Variants in NKAIN3 observed in about 807,000 individuals in gnomAD.
NKAIN3 encodes the protein sodium/potassium transporting ATPase interacting 3.
Under a neutral mutation model 30.2 loss-of-function variants are expected in NKAIN3, and 25 were observed. That is an observed-to-expected ratio of 0.83 (90% CI 0.60 to 1.16). The LOEUF (loss-of-function observed/expected upper bound fraction) is 1.16. NKAIN3 is among the 50% of genes most tolerant of loss of function. The pLI is 0.00. For synonymous variants in NKAIN3, 91 were observed against 89.6 expected, an observed-to-expected ratio of 1.02 and a Z score of -0.09; for missense variants, 225 against 254.1, an observed-to-expected ratio of 0.89 and a Z score of 0.78.
intron 4 of NKAIN3, among the ~76,000 whole-genome samples, chr8:62,873,796 G>A (rs1236587874): frequency 6.6e-6 from 1 of 151,992 alleles, no homozygotes; most frequent in African/African-American, 2.4e-5. Flanking sequence ...CGAGAACAAA[G>A]AGGCAATATA....
chr8:62,872,985 A>C (rs1306677173), intron 4 of NKAIN3, among the ~76,000 whole-genome samples: 1 of 152,220 alleles, frequency 6.6e-6, no homozygotes, highest in Non-Finnish European at 1.5e-5. Flanking sequence ...ATAGCATCAT[A>C]ATGACAGGAT....
At position 62,971,226 on chromosome 8, in the gene NKAIN3, T is replaced by TAC. The variant is rs2130914091; in HGVS notation, c.*5826_*5827dup. On this transcript the variant is annotated 3_prime_UTR_variant, in exon 7 of 7. Transcript: ENST00000623646. ...TTCCTTTAAGGATATGCCTCAGAAA[T>TAC]ACACACACTACTTCTGTTTACATCT... 6.6e-6 allele frequency among the ~76,000 whole-genome samples: 1 copy of TAC among 152,274 alleles called. No individual in the cohort carries two copies. The highest frequency in any genetic ancestry group is 1.9e-4 in the East Asian group (1 of 5,178).
At chr8:62,857,483 A>C (rs1033647742) in intron 4 of NKAIN3, among the ~76,000 whole-genome samples, 6 of 152,128 alleles carry the variant, frequency 3.9e-5, no homozygotes, top group African/African-American at 1.4e-4. Flanking sequence ...CACGTACCCC[A>C]ATCAGTCATA....
intron 1 of NKAIN3, among the ~76,000 whole-genome samples, chr8:62,420,598 G>A (rs1804605952): frequency 6.6e-6 from 1 of 152,078 alleles, no homozygotes; most frequent in Non-Finnish European, 1.5e-5. Context: ...TTAAAAATAA[G>A]TGTGGCTAGT....
chr8:62,927,280 T>C (rs2130867147), intron 5 of NKAIN3, among the ~76,000 whole-genome samples: 1 of 152,352 alleles, frequency 6.6e-6, no homozygotes, highest in Non-Finnish European at 1.5e-5. Flanking sequence ...TTGGATCTTA[T>C]CAAGATTGAT....
intron 1 of NKAIN3, among the ~76,000 whole-genome samples, chr8:62,563,866 C>T (rs552837588): frequency 8.1e-4 from 124 of 152,220 alleles, no homozygotes; most frequent in Non-Finnish European, 1.5e-3. Flanking sequence ...CACTGACAGA[C>T]GGGGAGGAGA....
At chr8:62,816,647 CT>C (rs1818692429) in intron 4 of NKAIN3, among the ~76,000 whole-genome samples, 1 of 152,070 alleles carries the variant, frequency 6.6e-6, no homozygotes, top group Non-Finnish European at 1.5e-5. Flanking sequence ...GCTATGTGGG[CT>C]TGGTGCTGGG....
intron 3 of NKAIN3, among the ~76,000 whole-genome samples, chr8:62,618,500 G>A (rs920462259): frequency 4.0e-5 from 6 of 151,752 alleles, no homozygotes; most frequent in East Asian, 1.9e-4. Context: ...TGATTGCTTC[G>A]CTCGCTCGTG....
chr8:62,249,064 C>T lies in NKAIN3; in HGVS notation c.-10C>T, dbSNP rs1302785473. On this transcript the variant is annotated 5_prime_UTR_variant, in exon 1 of 7. Coordinates refer to ENST00000623646, the MANE Select transcript of NKAIN3 (RefSeq NM_001304533.3). Reference sequence around the variant, plus strand: ...CTGGCAGTCAGCGCCGCTCGGACGCCGCCGGCACCATGGGCTGCTGCACCG... The same window carrying T: ...CTGGCAGTCAGCGCCGCTCGGACGCTGCCGGCACCATGGGCTGCTGCACCG... The T allele has an allele frequency of 6.5e-7, 1 of 1,535,318 alleles. No homozygotes were observed. Among genetic ancestry groups the T allele is most frequent in the South Asian group, 1.2e-5 (1 of 83,516 alleles).
chr8:62,794,727 C>G (rs1817807363), intron 4 of NKAIN3, among the ~76,000 whole-genome samples: 1 of 152,102 alleles, frequency 6.6e-6, no homozygotes, highest in African/African-American at 2.4e-5. Context: ...GCCTACAGCC[C>G]TGTGATACTG....
At chr8:62,532,307 A>C (rs1015772003) in intron 1 of NKAIN3, among the ~76,000 whole-genome samples, 1 of 152,276 alleles carries the variant, frequency 6.6e-6, no homozygotes, top group African/African-American at 2.4e-5. Context: ...CCACTCATCT[A>C]TGCCAGGGCT....
intron 4 of NKAIN3, among the ~76,000 whole-genome samples, chr8:62,806,691 T>A (rs954044397): frequency 5.9e-5 from 9 of 151,872 alleles, no homozygotes; most frequent in Admixed American, 5.9e-4. Flanking sequence ...CATTAGGAGA[T>A]ATACCTAATG....
intron 1 of NKAIN3, among the ~76,000 whole-genome samples, chr8:62,452,630 A>G (rs1170498323): frequency 2.6e-5 from 4 of 152,212 alleles, no homozygotes; most frequent in Admixed American, 6.5e-5. Context: ...TTCAGAAATG[A>G]AACTTACAAA....
intron 4 of NKAIN3, among the ~76,000 whole-genome samples, chr8:62,749,478 C>T (rs1816198496): frequency 6.6e-6 from 1 of 152,140 alleles, no homozygotes. Flanking sequence ...TTGCTGCTCA[C>T]TGACTTTTCT....
chr8:62,772,220 T>C (rs891976070), intron 4 of NKAIN3, among the ~76,000 whole-genome samples: 1 of 152,222 alleles, frequency 6.6e-6, no homozygotes, highest in Admixed American at 6.5e-5. Flanking sequence ...GTTCCATCTA[T>C]GTTGTTGCAA....
intron 1 of NKAIN3, among the ~76,000 whole-genome samples, chr8:62,498,507 C>G (rs907225639): frequency 6.6e-6 from 1 of 151,798 alleles, no homozygotes; most frequent in Non-Finnish European, 1.5e-5. Context: ...ACCAAATGCA[C>G]GCATGTTTTC....
chr8:62,534,177 G>T (rs1386197175), intron 1 of NKAIN3, among the ~76,000 whole-genome samples: 1 of 152,150 alleles, frequency 6.6e-6, no homozygotes. Flanking sequence ...CCCCGGCTAG[G>T]CTTGTTCCCA....
chr8:62,689,115 T>C (rs562939367), intron 3 of NKAIN3, among the ~76,000 whole-genome samples: 2 of 152,330 alleles, frequency 1.3e-5, no homozygotes, highest in Non-Finnish European at 2.9e-5. Context: ...TAAGAGAAAC[T>C]ACAATTTATT....
chr8:62,758,990 G>C (rs1357407268), intron 4 of NKAIN3, among the ~76,000 whole-genome samples: 1 of 152,048 alleles, frequency 6.6e-6, no homozygotes, highest in Non-Finnish European at 1.5e-5. Flanking sequence ...ATTCTCAAAT[G>C]GTTCCTCAAA....
Sources: gnomAD v4.1 joint callset for allele counts (sites outside exome capture counted in the v4.1 genomes callset) on GRCh38, gnomAD v4.1.1 for gene constraint, MANE v1.5 for transcripts, NCBI Gene and HGNC (gene_info 2026-07-23, HGNC 2026-07-21) for gene names.